Variants in USB1 observed in about 807,000 individuals in gnomAD.
USB1 encodes U6 snRNA phosphodiesterase 1.
In USB1, 21 loss-of-function variants were observed where a neutral mutation model predicts 29.9. The ratio of observed to expected loss-of-function variants is 0.70; its 90% CI spans 0.50 to 1.01. USB1 has a LOEUF of 1.01. USB1 is among the 50% of genes least tolerant of loss of function. USB1 has a pLI of 0.00. For missense variants in USB1, 330 were observed against 347.1 expected (o/e 0.95, Z 0.39); for synonymous variants, 143 against 134.9 (o/e 1.06, Z -0.42).
At chr16:58,010,169 C>G (rs1963459816) in intron 3 of USB1, 57 bp downstream of exon 3, 1 of 1,605,288 alleles carries the variant, frequency 6.2e-7, no homozygotes, top group African/African-American at 1.3e-5. Flanking sequence ...TTCTCCTCCT[C>G]TCCTGAGCTA....
Position 58,001,456 on chromosome 16 carries a change from C to T in USB1, c.-28C>T, listed in dbSNP as rs958348796. On this transcript the variant is annotated 5_prime_UTR_variant, in exon 1 of 7. Transcript: ENST00000219281. The stretch of plus-strand genomic sequence containing the variant: ...GTGCCGGTTGAGGTTGCTGGTGGAC[C>T]TGCTCTGGTGGTCTTGGATGAGGCC... 2 of 1,579,148 alleles carry T rather than the reference C, an allele frequency of 1.3e-6. No homozygotes were observed. Among genetic ancestry groups the T allele is most frequent in the Middle Eastern group, 1.7e-4 (1 of 5,884 alleles).
At chr16:58,015,562 T>C (rs1963596674) in intron 4 of USB1, 1 of 152,076 alleles carries the variant, frequency 6.6e-6, no homozygotes, top group African/African-American at 2.4e-5. Context: ...GATTCATCAG[T>C]GAAGAGGTAG....
At chr16:58,001,961 T>A (rs919035018) in intron 1 of USB1, among the ~76,000 whole-genome samples, 1 of 152,244 alleles carries the variant, frequency 6.6e-6, no homozygotes, top group African/African-American at 2.4e-5. Flanking sequence ...AAATATTCAC[T>A]GAGCACCCAC....
upstream of USB1, chr16:58,001,306 T>C: frequency 6.8e-6 from 5 of 732,396 alleles, no homozygotes; most frequent in Non-Finnish European, 1.2e-5. Context: ...GCAGACAGCT[T>C]GGAGTCGGTG....
rs945854785 is a variant in USB1, at chr16:58,012,916, A to C, written c.450-1357A>C. The C allele has an allele frequency of 5.1e-6, 5 of 986,836 alleles. No individual in the cohort carries two copies. In the African/African-American group the frequency reaches 7.0e-5, roughly 14 times the overall value. The allele number at this position is 986,836 out of a possible 1,614,324, so 61.1% of individuals were successfully genotyped here. Reference sequence around the variant, plus strand: ...AACTCTGCCTAAAGTCCATTGCAAGAAATACTGATCCCTGTGGGATGTATA... The same window carrying C: ...AACTCTGCCTAAAGTCCATTGCAAGCAATACTGATCCCTGTGGGATGTATA... On this transcript the variant is annotated intron_variant, in intron 3 of 6. Transcript: ENST00000219281.
chr16:58,000,903 G>A (rs377452763), upstream of USB1, among the ~76,000 whole-genome samples: 168 of 151,596 alleles, frequency 1.1e-3, 7 homozygotes, highest in South Asian at 0.035. This position sits in a 1 kb window ranked among gnomAD's most constrained non-coding sequence, Gnocchi z 4.5. Context: ...CGGCCACCCC[G>A]CTCGGGCTTA....
Position 58,018,164 on chromosome 16 carries a change from T to A in USB1, c.609+725T>A, listed in dbSNP as rs1334339071. On this transcript the variant is annotated intron_variant, in intron 5 of 6. Coordinates refer to ENST00000219281, the MANE Select transcript of USB1 (RefSeq NM_024598.4). ...CTGGGTGGCCTAAATAACAGAAATT[T>A]ATTTTTGCACAGTTCTGGAGGCTAG... Among the ~76,000 whole-genome samples, 4 of 152,062 alleles carry A rather than the reference T, an allele frequency of 2.6e-5. No homozygotes were observed. The East Asian group carries it at 7.7e-4, about 29-fold the overall frequency.
At chr16:58,010,448 C>G (rs1963466819) in intron 3 of USB1, among the ~76,000 whole-genome samples, 1 of 152,134 alleles carries the variant, frequency 6.6e-6, no homozygotes, top group South Asian at 2.1e-4. Context: ...ACTGGGTGTC[C>G]TATAATCGAA....
chr16:58,020,466 CTCT>C lies in USB1; in HGVS notation c.*222_*224del. On this transcript the variant is annotated 3_prime_UTR_variant, in exon 7 of 7. Transcript: ENST00000219281. Reference sequence around the variant, plus strand: ...CTCTCTCTTCTCCTCTCTTTCTCTCCTCTGTCTCTCTTCCTCTCCTCTCTTCCT... The same window carrying C: ...CTCTCTCTTCTCCTCTCTTTCTCTCCGTCTCTCTTCCTCTCCTCTCTTCCT... 5.0e-6 allele frequency: 3 copies of C among 594,970 alleles called. No individual in the cohort carries two copies. Among genetic ancestry groups the C allele is most frequent in the South Asian group, 1.9e-5 (1 of 51,332 alleles). The allele number at this position is 594,970 out of a possible 1,614,324, so 36.9% of individuals were successfully genotyped here. A position where few individuals can be genotyped will look rare whatever the true frequency, so the allele number is the denominator to read the frequency against.
intron 1 of USB1, 136 bp downstream of exon 1, chr16:58,001,717 G>A: frequency 9.3e-7 from 1 of 1,072,188 alleles, no homozygotes; most frequent in Non-Finnish European, 1.4e-6. Flanking sequence ...CAGGAAGAAA[G>A]GAGGATCCAG....
chr16:58,015,100 TAAATAAA>T (rs1223528695), intron 4 of USB1: 4 of 151,134 alleles, frequency 2.6e-5, no homozygotes, highest in African/African-American at 9.7e-5. Context: ...AATAAATAAA[TAAATAAA>T]TAAATAAATA....
At chr16:58,008,777 A>T (rs1034820092) in intron 2 of USB1, among the ~76,000 whole-genome samples, 1 of 152,102 alleles carries the variant, frequency 6.6e-6, no homozygotes, top group African/African-American at 2.4e-5. Flanking sequence ...TAATATATGC[A>T]TTTGATGCTA....
At position 58,020,700 on chromosome 16, in the gene USB1, GTCCTCTATCTCTTCCCC is replaced by G. The variant is rs1209101097; in HGVS notation, c.*471_*487del. Reference sequence around the variant, plus strand: ...CTCTTCCCCTCCTCTCTCTCTTCCTGTCCTCTATCTCTTCCCCTCCTCTATCTCTTCCTCTCCTCTCT... The same window carrying G: ...CTCTTCCCCTCCTCTCTCTCTTCCTGTCCTCTATCTCTTCCTCTCCTCTCT... On this transcript the variant is annotated 3_prime_UTR_variant, in exon 7 of 7. Coordinates refer to ENST00000219281, the MANE Select transcript of USB1 (RefSeq NM_024598.4). The G allele has an allele frequency of 1.7e-5, 3 of 178,718 alleles. No individual in the cohort carries two copies. The highest frequency in any genetic ancestry group is 3.2e-5 in the Non-Finnish European group (3 of 95,222). The allele number at this position is 178,718 out of a possible 1,614,324, so 11.1% of individuals were successfully genotyped here.
In USB1 at chr16:58,001,451, T is replaced by A; in HGVS notation, c.-33T>A. ...TCCGGGTGCCGGTTGAGGTTGCTGGTGGACCTGCTCTGGTGGTCTTGGATG... is the reference window on the plus strand; with the variant it reads ...TCCGGGTGCCGGTTGAGGTTGCTGGAGGACCTGCTCTGGTGGTCTTGGATG... On this transcript the variant is annotated 5_prime_UTR_variant, in exon 1 of 7. Transcript: ENST00000219281. 6.4e-7 allele frequency: 1 copy of A among 1,574,512 alleles called. No homozygotes were observed. Among genetic ancestry groups the A allele is most frequent in the South Asian group, 1.2e-5 (1 of 85,980 alleles).
chr16:58,014,223 C>T, intron 3 of USB1, 50 bp from the exon 4 acceptor site: 2 of 1,472,372 alleles, frequency 1.4e-6, no homozygotes, highest in Admixed American at 1.8e-5. Flanking sequence ...GCTATTTTTT[C>T]TGCTTTTTTT....
At chr16:58,016,905 T>G in intron 4 of USB1, 2 of 256,066 alleles carry the variant, frequency 7.8e-6, no homozygotes, top group South Asian at 4.8e-5. Flanking sequence ...GGGGAGAGTT[T>G]TTAAAGATGA....
chr16:58,002,445 T>C (rs187145857), intron 1 of USB1, 34 bp from the exon 2 acceptor site: 1 of 1,612,382 alleles, frequency 6.2e-7, no homozygotes. Context: ...GCTAACAGGA[T>C]AAATGTACTC....
chr16:58,015,615 C>G (rs1433181552), intron 4 of USB1: 1 of 152,122 alleles, frequency 6.6e-6, no homozygotes, highest in African/African-American at 2.4e-5. Flanking sequence ...AGAGGGGAGA[C>G]AGATAATAAA....
At chr16:58,003,945 A>G (rs1314060460) in intron 2 of USB1, among the ~76,000 whole-genome samples, 1 of 152,278 alleles carries the variant, frequency 6.6e-6, no homozygotes, top group African/African-American at 2.4e-5. Flanking sequence ...GAAGTTTTTA[A>G]GTTTAATGAA....
Sources: gnomAD v4.1 joint callset for allele counts (sites outside exome capture counted in the v4.1 genomes callset) on GRCh38, gnomAD v4.1.1 for gene constraint, Gnocchi (gnomAD v3.1) non-coding constraint, MANE v1.5 for transcripts, NCBI Gene and HGNC (gene_info 2026-07-23, HGNC 2026-07-21) for gene names.